RABGAP1L: variants seen among roughly 807,000 people sequenced by gnomAD.
The protein encoded by RABGAP1L is RAB GTPase activating protein 1 like, also known as rab GTPase-activating protein 1-like.
A neutral mutation model predicts 137.7 loss-of-function variants in RABGAP1L; 63 were observed. The ratio of observed to expected loss-of-function variants is 0.46; its 90% confidence interval spans 0.37 to 0.56. The LOEUF (loss-of-function observed/expected upper bound fraction) is 0.56, where lower values mean the gene tolerates loss of function less well. RABGAP1L is among the 20% of genes least tolerant of loss of function. The pLI is 0.00. For synonymous variants in RABGAP1L, 431 were observed against 433.7 expected (o/e 0.99, Z 0.08); for missense variants, 1,095 against 1,244.0 (o/e 0.88, Z 1.80).
rs145369447 is a variant in RABGAP1L at position 174,296,275 on chromosome 1, T to C, written c.1324-8711T>C. On this transcript the variant is annotated intron_variant, in intron 10 of 25. Coordinates refer to ENST00000681986, the MANE Select transcript of RABGAP1L (RefSeq NM_001366446.1). Reference sequence around the variant, plus strand: ...TAGTGGGACAGAAGTCAGATTGCAGTTGATTTAGCGTTAGTTGATTTAACT... The same window carrying C: ...TAGTGGGACAGAAGTCAGATTGCAGCTGATTTAGCGTTAGTTGATTTAACT... Among the ~76,000 whole-genome samples, 9 of 152,364 alleles carry C rather than the reference T, an allele frequency of 5.9e-5. No individual in the cohort carries two copies. In the East Asian group the frequency reaches 1.7e-3, roughly 29 times the overall value.
intron 19 of RABGAP1L, among the ~76,000 whole-genome samples, chr1:174,907,501 G>T (rs1186386391): frequency 1.3e-5 from 2 of 151,856 alleles, no homozygotes; most frequent in Non-Finnish European, 1.5e-5. Flanking sequence ...TTTTTGTAGA[G>T]ACATGGTTTT....
chr1:174,840,974 G>C (rs1693334429), intron 19 of RABGAP1L, among the ~76,000 whole-genome samples: 1 of 151,980 alleles, frequency 6.6e-6, no homozygotes, highest in Non-Finnish European at 1.5e-5. Flanking sequence ...TTTTAAATAA[G>C]GCAATGAGGA....
chr1:174,389,013 AT>A (rs1687020760), intron 12 of RABGAP1L, among the ~76,000 whole-genome samples: 1 of 149,604 alleles, frequency 6.7e-6, no homozygotes, highest in Non-Finnish European at 1.5e-5. Flanking sequence ...TGCTGTTTTT[AT>A]TGAATAAGAG....
At chr1:174,255,963 C>T (rs1035684983) in intron 7 of RABGAP1L, among the ~76,000 whole-genome samples, 4 of 152,200 alleles carry the variant, frequency 2.6e-5, no homozygotes, top group Non-Finnish European at 4.4e-5. Context: ...ATAGGGATAT[C>T]GCTTACATCA....
rs1024385267 is a variant in RABGAP1L at position 174,655,002 on chromosome 1, C to T, written c.1824+17514C>T. 3.9e-5 allele frequency among the ~76,000 whole-genome samples: 6 copies of T among 152,134 alleles called. No individual in the cohort carries two copies. The East Asian group carries it at 5.8e-4, about 15-fold the overall frequency. ...AATGATACTGTTAAATTTATATATACATATATTTCCAGATTTCTGTGTATT... is the reference window on the plus strand; with the variant it reads ...AATGATACTGTTAAATTTATATATATATATATTTCCAGATTTCTGTGTATT... On this transcript the variant is annotated intron_variant, in intron 14 of 25. Transcript: ENST00000681986.
intron 13 of RABGAP1L, among the ~76,000 whole-genome samples, chr1:174,526,810 G>T (rs1663912889): frequency 6.6e-6 from 1 of 151,526 alleles, no homozygotes; most frequent in African/African-American, 2.4e-5. Context: ...TGCTTTTTTA[G>T]TATCTATTTT....
chr1:174,938,605 T>A (rs1240122759), intron 19 of RABGAP1L: 1 of 152,230 alleles, frequency 6.6e-6, no homozygotes, highest in Admixed American at 6.5e-5. Context: ...GTGTTTTTCC[T>A]TGCGCTAGTT....
intron 14 of RABGAP1L, among the ~76,000 whole-genome samples, chr1:174,655,713 A>G (rs1031532695): frequency 1.3e-5 from 2 of 152,222 alleles, no homozygotes; most frequent in African/African-American, 4.8e-5. Flanking sequence ...TGTTATATCA[A>G]TATGGACTCA....
intron 12 of RABGAP1L, among the ~76,000 whole-genome samples, chr1:174,388,311 G>C (rs1217629118): frequency 6.6e-6 from 1 of 151,758 alleles, no homozygotes; most frequent in Non-Finnish European, 1.5e-5. Flanking sequence ...CTATCAGAAA[G>C]ATGTAAAGGA....
intron 13 of RABGAP1L, among the ~76,000 whole-genome samples, chr1:174,468,291 G>GCCCT (rs1392851009): frequency 6.6e-6 from 1 of 152,128 alleles, no homozygotes; most frequent in Non-Finnish European, 1.5e-5. Flanking sequence ...TGTAAGTGAT[G>GCCCT]CCCTAGTACT....
chr1:174,627,799 T>C (rs1173925545), intron 13 of RABGAP1L, among the ~76,000 whole-genome samples: 1 of 152,156 alleles, frequency 6.6e-6, no homozygotes, highest in African/African-American at 2.4e-5. Context: ...AACTTCTTTC[T>C]ACTTTGTGAT....
chr1:174,551,021 T>TATATATATATATATATAC lies in RABGAP1L; in HGVS notation c.1711-86353_1711-86352insTATATATATATATATACA, dbSNP rs1553330343. Among the ~76,000 whole-genome samples the TATATATATATATATATAC allele has an allele frequency of 8.1e-5, 10 of 122,794 alleles. 1 individual carries two copies. Among genetic ancestry groups the TATATATATATATATATAC allele is most frequent in the African/African-American group, 3.4e-4 (9 of 26,202 alleles). The allele number at this position is 122,794 out of a possible 152,430, so 80.6% of individuals were successfully genotyped here. A position where few individuals can be genotyped will look rare whatever the true frequency, so the allele number is the denominator to read the frequency against. ...ACACATATATATATATATATATATA[T>TATATATATATATATATAC]ACATACACACACACACATATATATA... On this transcript the variant is annotated intron_variant, in intron 13 of 25. Transcript: ENST00000681986.
At chr1:174,834,976 G>T (rs960951190) in intron 19 of RABGAP1L, among the ~76,000 whole-genome samples, 1 of 152,186 alleles carries the variant, frequency 6.6e-6, no homozygotes, top group African/African-American at 2.4e-5. Flanking sequence ...CCTCTCTAAA[G>T]ATGGAAGGAG....
intron 19 of RABGAP1L, chr1:174,849,901 G>T: frequency 1.7e-6 from 1 of 595,234 alleles, no homozygotes. Context: ...AATTCTTTCA[G>T]CTCTTGACAT....
intron 19 of RABGAP1L, 42 bp from the exon 20 acceptor site, chr1:174,957,415 A>G (rs776871918): frequency 1.3e-6 from 2 of 1,501,348 alleles, no homozygotes; most frequent in Non-Finnish European, 1.9e-6. Context: ...TTTTTCATAA[A>G]TGGTGTCCTT....
chr1:174,197,854 G>A (rs1347148425), intron 1 of RABGAP1L, among the ~76,000 whole-genome samples: 3 of 151,994 alleles, frequency 2.0e-5, no homozygotes, highest in Admixed American at 6.6e-5. Flanking sequence ...AGAGTTCTGG[G>A]CATGTAGCTG....
At chr1:174,399,847 C>T (rs1648335834) in intron 13 of RABGAP1L, among the ~76,000 whole-genome samples, 1 of 152,118 alleles carries the variant, frequency 6.6e-6, no homozygotes, top group Non-Finnish European at 1.5e-5. Context: ...GTAAACCGCC[C>T]CCATGATTCG....
chr1:174,319,996 C>G (rs1401020380), intron 11 of RABGAP1L, among the ~76,000 whole-genome samples: 1 of 152,122 alleles, frequency 6.6e-6, no homozygotes, highest in African/African-American at 2.4e-5. Context: ...CTGCCTTCAG[C>G]TTGCTCACTC....
At chr1:174,333,512 C>T (rs1466042350) in intron 11 of RABGAP1L, among the ~76,000 whole-genome samples, 1 of 152,160 alleles carries the variant, frequency 6.6e-6, no homozygotes, top group South Asian at 2.1e-4. Context: ...GTGAAGAGCT[C>T]AGCAAGTCCA....
Sources: gnomAD v4.1 joint callset for allele counts (sites outside exome capture counted in the v4.1 genomes callset) on GRCh38, gnomAD v4.1.1 for gene constraint, MANE v1.5 for transcripts, NCBI Gene and HGNC (gene_info 2026-07-23, HGNC 2026-07-21) for gene names.